AGL: variants seen among roughly 807,000 people sequenced by gnomAD.
AGL encodes glycogen debranching enzyme.
Under a neutral mutation model 199.3 loss-of-function variants are expected in AGL, and 128 were observed. That is an observed-to-expected ratio of 0.64 (90% CI 0.56 to 0.74). AGL has a LOEUF of 0.74. Among genes scored for constraint, AGL ranks in the 30% least tolerant of loss-of-function variants. The pLI is 0.00. For synonymous variants in AGL, 584 were observed against 594.7 expected (o/e 0.98, Z 0.26); for missense variants, 1,809 against 1,820.8 (o/e 0.99, Z 0.12).
At position 99,923,082 on chromosome 1, in the gene AGL, C is replaced by T. The variant is rs553008924; in HGVS notation, c.*1431C>T. On this transcript the variant is annotated 3_prime_UTR_variant, in exon 34 of 34. Coordinates refer to ENST00000361915, the MANE Select transcript of AGL (RefSeq NM_000642.3). ...CTGCTCTTCTTCAAAGCTGACCTTG[C>T]TTTAGAAATAGTTTTAACTAGCTTA... 9.2e-5 allele frequency: 14 copies of T among 152,178 alleles called. No individual in the cohort carries two copies. Among genetic ancestry groups the T allele is most frequent in the African/African-American group, 3.4e-4 (14 of 41,540 alleles). 9.4% of individuals were successfully genotyped at this position (152,178 alleles called of 1,614,324 possible).
chr1:99,862,941 TA>T (rs11291815), intron 4 of AGL, among the ~76,000 whole-genome samples: 35,752 of 151,050 alleles, frequency 0.24, 5,205 homozygotes, highest in African/African-American at 0.41. Flanking sequence ...AGAACCATAT[TA>T]AAAAAAAATT....
intron 33 of AGL, among the ~76,000 whole-genome samples, chr1:99,916,973 T>G (rs79636076): frequency 6.6e-6 from 1 of 152,192 alleles, no homozygotes; most frequent in Non-Finnish European, 1.5e-5. Flanking sequence ...TGGAATAGTC[T>G]TTGATTTTTA....
At chr1:99,872,329 AT>A (rs1156286340) in intron 7 of AGL, among the ~76,000 whole-genome samples, 2 of 152,082 alleles carry the variant, frequency 1.3e-5, no homozygotes, top group African/African-American at 4.8e-5. Context: ...CGTACACCTT[AT>A]GTTTACTTGC....
intron 5 of AGL, 119 bp downstream of exon 5, chr1:99,864,708 T>A: frequency 2.3e-6 from 2 of 879,396 alleles, no homozygotes; most frequent in Non-Finnish European, 1.8e-6. Context: ...ACATAAATTT[T>A]AAAAACACAA....
At chr1:99,867,457 G>T (rs1174758419) in intron 5 of AGL, among the ~76,000 whole-genome samples, 4 of 152,124 alleles carry the variant, frequency 2.6e-5, no homozygotes, top group Admixed American at 2.6e-4. Flanking sequence ...CCAACTCCCA[G>T]CCTGGGGTTA....
Position 99,892,955 on chromosome 1 carries a change from C to T in AGL, c.3259+348C>T, listed in dbSNP as rs570013050. On this transcript the variant is annotated intron_variant, in intron 24 of 33. Transcript: ENST00000361915. ...AAAATAAACCCAATCTTGTAATTAT[C>T]AAGAGGTCATGTAAGGGTCCCTATA... Among the ~76,000 whole-genome samples, 4 of 152,054 alleles carry T rather than the reference C, an allele frequency of 2.6e-5. No homozygotes were observed. The South Asian group carries it at 8.3e-4, about 32-fold the overall frequency.
At position 99,874,795 on chromosome 1, in the gene AGL, C is replaced by A; in HGVS notation, c.1067C>A (p.Thr356Asn). The A allele has an allele frequency of 6.2e-7, 1 of 1,612,912 alleles. No homozygotes were observed. Among genetic ancestry groups the A allele is most frequent in the East Asian group, 2.2e-5 (1 of 44,844 alleles). Residue 356 changes from threonine to asparagine, a missense_variant, in exon 8 of 34, where the codon ACT becomes AAT. Physicochemically the swap from Thr to Asn is moderately conservative, Grantham distance 65 (BLOSUM62 0). Transcript: ENST00000361915. ...GTAGATATGAACATTGCACTAACGA[C>A]TTTCATACCACATGAGTATGTAATG... ...CTVDMNIALT[T>N]FIPHDKGPAA...
At chr1:99,857,458 G>T (rs1051304283) in intron 2 of AGL, among the ~76,000 whole-genome samples, 5 of 152,116 alleles carry the variant, frequency 3.3e-5, no homozygotes, top group African/African-American at 1.2e-4. Context: ...GGCCAAGGCA[G>T]GCGGCTGGGA....
intron 27 of AGL, among the ~76,000 whole-genome samples, chr1:99,907,729 G>C (rs986679111): frequency 6.7e-5 from 8 of 120,138 alleles, no homozygotes; most frequent in Non-Finnish European, 1.2e-4. Context: ...ATGGCTATGA[G>C]GTGGTATCTA....
At chr1:99,874,901 T>C in intron 8 of AGL, 91 bp downstream of exon 8, 1 of 1,428,126 alleles carries the variant, frequency 7.0e-7, no homozygotes, top group Non-Finnish European at 9.7e-7. Flanking sequence ...TAAAAACGCT[T>C]AATAGAAAAT....
chr1:99,890,828 A>G (rs1019577608), intron 21 of AGL, among the ~76,000 whole-genome samples: 2 of 152,074 alleles, frequency 1.3e-5, no homozygotes, highest in African/African-American at 4.8e-5. Flanking sequence ...TGAACCCACT[A>G]CTTTTCAACA....
chr1:99,856,288 T>C (rs940334948), intron 2 of AGL, among the ~76,000 whole-genome samples: 60 of 149,158 alleles, frequency 4.0e-4, no homozygotes, highest in African/African-American at 1.3e-3. Flanking sequence ...AAAGAAAATA[T>C]AACATCCCTT....
rs1254775765 is a variant in AGL, at chr1:99,892,626, G to A, written c.3259+19G>A. 5 of 1,609,424 alleles carry A rather than the reference G, an allele frequency of 3.1e-6. No homozygotes were observed. The South Asian group carries it at 4.4e-5, about 14-fold the overall frequency. On this transcript the variant is annotated intron_variant, in intron 24 of 33. Coordinates refer to ENST00000361915, the MANE Select transcript of AGL (RefSeq NM_000642.3). ...GCTGCAGGTAAGGAATTATGTACAAGGTTAAAATATGTAAATCGATAGTAT... is the reference window on the plus strand; with the variant it reads ...GCTGCAGGTAAGGAATTATGTACAAAGTTAAAATATGTAAATCGATAGTAT...
At chr1:99,905,184 C>T (rs116593085) in intron 27 of AGL, among the ~76,000 whole-genome samples, 1 of 151,958 alleles carries the variant, frequency 6.6e-6, no homozygotes, top group African/African-American at 2.4e-5. Context: ...TCATAGACCA[C>T]TACAAACTGT....
intron 11 of AGL, 52 bp from the exon 12 acceptor site, chr1:99,877,589 T>C (rs1331359990): frequency 5.2e-6 from 8 of 1,540,664 alleles, no homozygotes; most frequent in Non-Finnish European, 6.3e-6. Flanking sequence ...CTTGAAGTAA[T>C]TGTTTTCATT....
chr1:99,900,239 TC>T (rs1210645523), intron 25 of AGL, among the ~76,000 whole-genome samples: 2 of 152,178 alleles, frequency 1.3e-5, no homozygotes. Context: ...CAGTTTGTTT[TC>T]CTATATGTTT....
In AGL at chr1:99,884,461, T is replaced by C. The variant is rs74551473; in HGVS notation, c.2546+10T>C. On this transcript the variant is annotated intron_variant, in intron 19 of 33. Transcript: ENST00000361915. Reference sequence around the variant, plus strand: ...GTGTTATTATATTCAGGTATGTTAATTGAGCTCAAACTGTTGACTTTACTT... The same window carrying C: ...GTGTTATTATATTCAGGTATGTTAACTGAGCTCAAACTGTTGACTTTACTT... 551 of 1,605,570 alleles carry C rather than the reference T, an allele frequency of 3.4e-4. 3 individuals are homozygous for C. The African/African-American group carries it at 6.7e-3, about 20-fold the overall frequency.
intron 7 of AGL, among the ~76,000 whole-genome samples, chr1:99,871,418 C>T (rs1007071396): frequency 6.6e-6 from 1 of 150,634 alleles, no homozygotes; most frequent in Non-Finnish European, 1.5e-5. Flanking sequence ...GTGCCCCCCC[C>T]CCCCCAACAA....
At chr1:99,895,391 G>T (rs1384226892) in intron 24 of AGL, among the ~76,000 whole-genome samples, 1 of 152,064 alleles carries the variant, frequency 6.6e-6, no homozygotes, top group African/African-American at 2.4e-5. Context: ...TAGAATGAAG[G>T]ATTTAATGTG....
Sources: gnomAD v4.1 joint callset for allele counts (sites outside exome capture counted in the v4.1 genomes callset) on GRCh38, gnomAD v4.1.1 for gene constraint, MANE v1.5 for transcripts, NCBI Gene and HGNC (gene_info 2026-07-23, HGNC 2026-07-21) for gene names.